The following MTMR12 variants were observed in gnomAD, a reference collection of about 807,000 sequenced individuals.
MTMR12 encodes myotubularin related protein 12, also known as myotubularin-related protein 12.
MTMR12 carries 33 observed loss-of-function variants against 96.7 expected under a neutral mutation model. The ratio of observed to expected loss-of-function variants is 0.34; its 90% CI spans 0.26 to 0.46. The LOEUF (loss-of-function observed/expected upper bound fraction) is 0.46. Ranked by LOEUF, MTMR12 falls within the 20% of genes least tolerant of loss-of-function variation. The pLI is 1.00. For missense variants in MTMR12, 721 were observed against 896.1 expected (o/e 0.80, Z 2.49); for synonymous variants, 298 against 327.2 (o/e 0.91, Z 0.96).
chr5:32,273,079 C>G (rs1035613307), intron 3 of MTMR12, among the ~76,000 whole-genome samples: 1 of 152,140 alleles, frequency 6.6e-6, no homozygotes, highest in Non-Finnish European at 1.5e-5. Context: ...ACAAATTTCA[C>G]AAGGCTACTG....
intron 1 of MTMR12, among the ~76,000 whole-genome samples, chr5:32,292,702 C>A (rs1440712306): frequency 6.6e-6 from 1 of 152,160 alleles, no homozygotes. Flanking sequence ...CCAGTCCAGG[C>A]AGGACTACAA....
At chr5:32,276,866 C>G (rs1046239480) in intron 1 of MTMR12, 124 bp from the exon 2 acceptor site, 6 of 236,428 alleles carry the variant, frequency 2.5e-5, no homozygotes, top group East Asian at 1.1e-4. Flanking sequence ...GTTTATGTTA[C>G]AAGCTACTTT....
chr5:32,278,864 G>A (rs1031440708), intron 1 of MTMR12, among the ~76,000 whole-genome samples: 2 of 151,752 alleles, frequency 1.3e-5, no homozygotes, highest in African/African-American at 4.8e-5. Flanking sequence ...GATCACCTGA[G>A]GTCAGGAGTT....
At chr5:32,303,737 G>A (rs1465183625) in intron 1 of MTMR12, among the ~76,000 whole-genome samples, 2 of 151,336 alleles carry the variant, frequency 1.3e-5, no homozygotes, top group Admixed American at 6.6e-5. Context: ...CCCCACAGGT[G>A]GCTACCGTGG....
intron 1 of MTMR12, among the ~76,000 whole-genome samples, chr5:32,302,760 T>A (rs1459454900): frequency 2.0e-5 from 3 of 147,372 alleles, no homozygotes; most frequent in South Asian, 2.1e-4. Flanking sequence ...GGAAGAAAAA[T>A]AAGTCCACAC....
At position 32,230,348 on chromosome 5, in the gene MTMR12, C is replaced by CTT. The variant is rs1330329469; in HGVS notation, c.1675-3_1675-2dup. ...GTGGCAAAGAAAGTTGTCGTTGATG[C>CTT]TTTGAGAGAAAACACAAATAAAAAT... On this transcript the variant is annotated splice_acceptor_variant, in intron 15 of 15. Coordinates refer to ENST00000382142, the MANE Select transcript of MTMR12 (RefSeq NM_001040446.3). LOFTEE classifies it high-confidence loss of function. 3.1e-6 allele frequency: 5 copies of CTT among 1,594,378 alleles called. No homozygotes were observed. The highest frequency in any genetic ancestry group is 4.3e-6 in the Non-Finnish European group (5 of 1,172,328).
At chr5:32,268,533 G>A (rs1749696349) in intron 6 of MTMR12, among the ~76,000 whole-genome samples, 168 bp downstream of exon 6, 1 of 151,368 alleles carries the variant, frequency 6.6e-6, no homozygotes, top group Non-Finnish European at 1.5e-5. Flanking sequence ...AAGATCACAG[G>A]AAAGAAAATG....
At chr5:32,306,267 A>C (rs1751361337) in intron 1 of MTMR12, among the ~76,000 whole-genome samples, 1 of 152,220 alleles carries the variant, frequency 6.6e-6, no homozygotes. Flanking sequence ...TCTGAGTCTC[A>C]GTTTCCATAT....
chr5:32,229,568 TTAG>T lies in MTMR12; in HGVS notation c.*207_*209del. On this transcript the variant is annotated 3_prime_UTR_variant, in exon 16 of 16. Coordinates refer to ENST00000382142, the MANE Select transcript of MTMR12 (RefSeq NM_001040446.3). ...CGGGTCAAGTAATAATTCCTTCCAA[TTAG>T]TAATACTACAGATGCGGTTTTAATT... The T allele has an allele frequency of 2.3e-6, 1 of 426,680 alleles. No homozygotes were observed. The highest frequency in any genetic ancestry group is 9.7e-5 in the South Asian group (1 of 10,352). The allele number at this position is 426,680 out of a possible 1,614,324, so 26.4% of individuals were successfully genotyped here. A position where few individuals can be genotyped will look rare whatever the true frequency, so the allele number is the denominator to read the frequency against.
At chr5:32,298,604 T>C (rs565471265) in intron 1 of MTMR12, among the ~76,000 whole-genome samples, 6 of 152,146 alleles carry the variant, frequency 3.9e-5, no homozygotes, top group African/African-American at 1.4e-4. Flanking sequence ...GGCAGTCCTA[T>C]AAGAGGGACA....
intron 1 of MTMR12, among the ~76,000 whole-genome samples, chr5:32,306,563 A>G (rs1326403199): frequency 6.6e-6 from 1 of 151,988 alleles, no homozygotes; most frequent in Admixed American, 6.6e-5. Flanking sequence ...TTAACACCAT[A>G]TATATATATT....
At chr5:32,259,975 G>A (rs1322371768) in intron 7 of MTMR12, among the ~76,000 whole-genome samples, 1 of 149,534 alleles carries the variant, frequency 6.7e-6, no homozygotes, top group Non-Finnish European at 1.5e-5. Flanking sequence ...GGCGGAGGTT[G>A]CAGTGAGCCG....
intron 6 of MTMR12, among the ~76,000 whole-genome samples, chr5:32,266,276 T>C (rs1268896930): frequency 1.3e-5 from 2 of 152,216 alleles, no homozygotes; most frequent in Non-Finnish European, 2.9e-5. Flanking sequence ...TATCTCCATA[T>C]ACCCACAGAA....
At chr5:32,282,307 G>A (rs1750329237) in intron 1 of MTMR12, among the ~76,000 whole-genome samples, 2 of 151,950 alleles carry the variant, frequency 1.3e-5, no homozygotes, top group African/African-American at 4.8e-5. Context: ...CTGTAGTCCA[G>A]CTACTCTGGA....
At chr5:32,262,943 C>T (rs536864283) in intron 7 of MTMR12, among the ~76,000 whole-genome samples, 170 bp downstream of exon 7, 101 of 152,208 alleles carry the variant, frequency 6.6e-4, no homozygotes, top group African/African-American at 2.2e-3. Flanking sequence ...GAGAGGTATT[C>T]GGGGAAAATG....
At chr5:32,236,693 C>T (rs1321966089) in intron 13 of MTMR12, among the ~76,000 whole-genome samples, 5 of 151,470 alleles carry the variant, frequency 3.3e-5, no homozygotes, top group South Asian at 2.1e-4. Flanking sequence ...CAAAATTAGC[C>T]GGGAATGGAG....
chr5:32,234,209 A>G lies in MTMR12; in HGVS notation c.1513-275T>C, dbSNP rs187073805. Among the ~76,000 whole-genome samples the G allele has an allele frequency of 1.9e-4, 29 of 152,096 alleles. 1 individual carries two copies. In the East Asian group the frequency reaches 2.1e-3, roughly 11 times the overall value. On this transcript the variant is annotated intron_variant, in intron 14 of 15. Transcript: ENST00000382142. ...TCGCGAGGCAACTGTTGTTTTTCCA[A>G]TTTTACATTTGAGGAAACCAAGGCT...
rs569543107 is a variant in MTMR12 at position 32,237,623 on chromosome 5, G to T, written c.1344+1378C>A. Among the ~76,000 whole-genome samples the T allele has an allele frequency of 1.1e-3, 173 of 151,998 alleles. 1 individual carries two copies. Among genetic ancestry groups the T allele is most frequent in the African/African-American group, 3.8e-3 (159 of 41,508 alleles). On this transcript the variant is annotated intron_variant, in intron 13 of 15. Transcript: ENST00000382142. ...CCTCCCGGGTTTAAGTGATTCTCCT[G>T]CCTCAGCCTCCCAAGTAGCTGGGAC...
In MTMR12 at chr5:32,282,792, C is replaced by A. The variant is rs144034832; in HGVS notation, c.82-6050G>T. Reference sequence around the variant, plus strand: ...GTTTGGGTGGGTAGGAAGGACGGAACGGAGAGTATTCACTGGCAATGTCTG... The same window carrying A: ...GTTTGGGTGGGTAGGAAGGACGGAAAGGAGAGTATTCACTGGCAATGTCTG... On this transcript the variant is annotated intron_variant, in intron 1 of 15. Coordinates refer to ENST00000382142, the MANE Select transcript of MTMR12 (RefSeq NM_001040446.3). Among the ~76,000 whole-genome samples, 54 of 152,284 alleles carry A rather than the reference C, an allele frequency of 3.5e-4. 1 individual carries two copies. In the East Asian group the frequency reaches 7.9e-3, roughly 22 times the overall value.
Sources: gnomAD v4.1 joint callset for allele counts (sites outside exome capture counted in the v4.1 genomes callset) on GRCh38, gnomAD v4.1.1 for gene constraint, MANE v1.5 for transcripts, NCBI Gene and HGNC (gene_info 2026-07-23, HGNC 2026-07-21) for gene names.